IL6R: variants seen among roughly 807,000 people sequenced by gnomAD.
The protein encoded by IL6R is interleukin-6 receptor subunit alpha.
Under a neutral mutation model 48.3 loss-of-function variants are expected in IL6R, and 38 were observed. The observed-to-expected ratio is 0.79, with a 90% confidence interval of 0.61 to 1.03. IL6R has a LOEUF of 1.03. IL6R is among the 50% of genes least tolerant of loss of function. The pLI is 0.00. For synonymous variants in IL6R, 264 were observed against 256.2 expected, an observed-to-expected ratio of 1.03 and a Z score of -0.29; for missense variants, 534 against 618.3, an observed-to-expected ratio of 0.86 and a Z score of 1.45.
intron 1 of IL6R, among the ~76,000 whole-genome samples, chr1:154,411,832 C>T (rs1688036506): frequency 6.6e-6 from 1 of 152,110 alleles, no homozygotes; most frequent in Admixed American, 6.5e-5. Flanking sequence ...AGCAACACTG[C>T]ACTCCAACCT....
chr1:154,448,164 C>T lies in IL6R; in HGVS notation c.989C>T (p.Pro330Leu). 6.2e-7 allele frequency: 1 copy of T among 1,613,424 alleles called. No homozygotes were observed. Reference sequence around the variant, plus strand: ...CCAGCTGAGAACGAGGTGTCCACCCCCATGCAGGTGAGCTCCTGTTCTTGT... The same window carrying T: ...CCAGCTGAGAACGAGGTGTCCACCCTCATGCAGGTGAGCTCCTGTTCTTGT... The part of the protein sequence containing the change: ...SPPAENEVST[P>L]MQALTTNKDD... Residue 330 changes from proline (P) to leucine (L), a missense_variant, in exon 7 of 10, where the codon CCC (proline) becomes CTC (leucine). Coordinates refer to ENST00000368485, the MANE Select transcript of IL6R (RefSeq NM_000565.4).
chr1:154,447,989 G>C (rs982651609), intron 6 of IL6R, 136 bp from the exon 7 acceptor site: 1 of 691,628 alleles, frequency 1.4e-6, no homozygotes, highest in Non-Finnish European at 2.6e-6. Flanking sequence ...GATGACAGAC[G>C]TGAGCCACCG....
intron 1 of IL6R, chr1:154,414,246 C>T: frequency 2.0e-6 from 1 of 501,558 alleles, no homozygotes; most frequent in Non-Finnish European, 3.6e-6. Context: ...CTTCCCATTC[C>T]AATATTTTAT....
chr1:154,465,314 A>C lies in IL6R; in HGVS notation c.1341A>C (p.Arg447=). Residue 447 remains arginine, a synonymous_variant, in exon 10 of 10, where the codon CGA becomes CGC. Coordinates refer to ENST00000368485, the MANE Select transcript of IL6R (RefSeq NM_000565.4). ...CTGACAATACCTCGAGCCACAACCG[A>C]CCAGATGCCAGGGACCCACGGAGCC... ...LGSDNTSSHN[R]PDARDPRSPY... 3 of 1,614,128 alleles carry C rather than the reference A, an allele frequency of 1.9e-6. No individual in the cohort carries two copies. The highest frequency in any genetic ancestry group is 2.5e-6 in the Non-Finnish European group (3 of 1,180,006).
intron 9 of IL6R, among the ~76,000 whole-genome samples, chr1:154,460,481 A>G (rs6695045): frequency 0.49 from 73,825 of 151,984 alleles, 20,555 homozygotes; most frequent in East Asian, 0.72. Context: ...ATAGGGACTT[A>G]AAAAATATAT....
rs1691529507 is a variant in IL6R, at chr1:154,465,843, C to T, written c.*463C>T. On this transcript the variant is annotated 3_prime_UTR_variant, in exon 10 of 10. Transcript: ENST00000368485. ...CACTGCATCGTTTCATCTTCCAACT[C>T]AAACTCTTAAAACCCAAGTGCCTTA... 6.2e-6 allele frequency: 1 copy of T among 160,020 alleles called. No homozygotes were observed. The highest frequency in any genetic ancestry group is 2.4e-5 in the African/African-American group (1 of 41,640). The allele number at this position is 160,020 out of a possible 1,614,324, so 9.9% of individuals were successfully genotyped here.
intron 8 of IL6R, 34 bp downstream of exon 8, chr1:154,450,014 C>A: frequency 1.5e-6 from 2 of 1,351,494 alleles, no homozygotes; most frequent in Non-Finnish European, 2.1e-6. Context: ...TCCCAGGGTC[C>A]GAGGGACAGA....
At chr1:154,442,407 A>T (rs546721548) in intron 6 of IL6R, among the ~76,000 whole-genome samples, 1 of 152,058 alleles carries the variant, frequency 6.6e-6, no homozygotes, top group Admixed American at 6.6e-5. Context: ...GAGCAAGGGG[A>T]GGGTGGCAGA....
chr1:154,462,243 T>C (rs1297745437), intron 9 of IL6R, among the ~76,000 whole-genome samples: 1 of 152,246 alleles, frequency 6.6e-6, no homozygotes, highest in Non-Finnish European at 1.5e-5. Context: ...CTTTTTCCTC[T>C]GCCTAGTTTC....
At chr1:154,444,094 G>T (rs960408934) in intron 6 of IL6R, among the ~76,000 whole-genome samples, 10 of 151,934 alleles carry the variant, frequency 6.6e-5, no homozygotes, top group African/African-American at 2.4e-4. Context: ...CCTCATCCTC[G>T]CATTGCCTAT....
intron 1 of IL6R, among the ~76,000 whole-genome samples, chr1:154,407,273 G>A (rs12083516): frequency 0.024 from 3,641 of 152,232 alleles, 158 homozygotes; most frequent in African/African-American, 0.083. Context: ...CTGCTGTCAC[G>A]CCAGCCCAAG....
chr1:154,423,260 A>AAAATATATATATATATATATATATATAT (rs1553305298), intron 1 of IL6R, among the ~76,000 whole-genome samples: 1 of 85,476 alleles, frequency 1.2e-5, no homozygotes, highest in African/African-American at 3.8e-5. Context: ...TGTTTAATTA[A>AAAATATATATATATATATATATATATAT]ATATATATAT....
chr1:154,441,057 C>T (rs1321643227), intron 6 of IL6R, among the ~76,000 whole-genome samples: 2 of 152,236 alleles, frequency 1.3e-5, no homozygotes, highest in African/African-American at 4.8e-5. Context: ...GCCTCACTGG[C>T]CCTTGCTCTG....
intron 3 of IL6R, among the ~76,000 whole-genome samples, chr1:154,431,767 C>T (rs993437460): frequency 1.3e-5 from 2 of 151,938 alleles, no homozygotes; most frequent in East Asian, 1.9e-4. Flanking sequence ...TCTGGGTCAC[C>T]GAGCCATGAT....
At chr1:154,447,552 TAC>T (rs71077952) in intron 6 of IL6R, among the ~76,000 whole-genome samples, 11,937 of 66,996 alleles carry the variant, frequency 0.18, 2,275 homozygotes, top group African/African-American at 0.39. Context: ...TATATACACA[TAC>T]ACATATATAT....
intron 1 of IL6R, chr1:154,415,141 C>T (rs1688260754): frequency 2.2e-6 from 2 of 911,592 alleles, no homozygotes; most frequent in South Asian, 2.8e-5. Flanking sequence ...TACTTGCCGT[C>T]CTCAGCCTGC....
chr1:154,448,228 T>C lies in IL6R; in HGVS notation c.996+57T>C, dbSNP rs367862021. 4 of 1,430,974 alleles carry C rather than the reference T, an allele frequency of 2.8e-6. No individual in the cohort carries two copies. The African/African-American group carries it at 5.6e-5, about 20-fold the overall frequency. The allele number at this position is 1,430,974 out of a possible 1,614,324, so 88.6% of individuals were successfully genotyped here. A position where few individuals can be genotyped will look rare whatever the true frequency, so the allele number is the denominator to read the frequency against. ...CTGCAGCACCTCGTGTTTAGGAGTG[T>C]GGGCTGATGCCAGACCGAATTTGGT... On this transcript the variant is annotated intron_variant, in intron 7 of 9. Transcript: ENST00000368485.
chr1:154,449,684 G>C (rs1690475456), intron 7 of IL6R, among the ~76,000 whole-genome samples: 1 of 152,196 alleles, frequency 6.6e-6, no homozygotes, highest in African/African-American at 2.4e-5. Flanking sequence ...TTAAGCTTTT[G>C]GTGGAGAGGC....
intron 1 of IL6R, among the ~76,000 whole-genome samples, chr1:154,427,672 G>A (rs548965327): frequency 1.5e-3 from 235 of 152,292 alleles, no homozygotes; most frequent in African/African-American, 2.4e-3. Flanking sequence ...AGCTGTCTCC[G>A]CCCCTTTGAT....
Sources: gnomAD v4.1 joint callset for allele counts (sites outside exome capture counted in the v4.1 genomes callset) on GRCh38, gnomAD v4.1.1 for gene constraint, MANE v1.5 for transcripts, NCBI Gene and HGNC (gene_info 2026-07-23, HGNC 2026-07-21) for gene names.